ZMYM5: variants seen among roughly 807,000 people sequenced by gnomAD.
The protein encoded by ZMYM5 is zinc finger MYM-type containing 5.
Under a neutral mutation model 61.8 loss-of-function variants are expected in ZMYM5, and 41 were observed. The observed-to-expected ratio is 0.66, with a 90% CI of 0.52 to 0.86. The LOEUF is 0.86. Ranked by LOEUF, ZMYM5 falls within the 40% of genes least tolerant of loss-of-function variation. The pLI is 0.00. For missense variants in ZMYM5, 706 were observed against 786.7 expected (o/e 0.90, Z 1.23); for synonymous variants, 257 against 276.4 (o/e 0.93, Z 0.70).
intron 2 of ZMYM5, among the ~76,000 whole-genome samples, chr13:19,860,966 CA>C (rs1162805144): frequency 6.9e-6 from 1 of 143,976 alleles, no homozygotes; most frequent in Non-Finnish European, 1.5e-5. Flanking sequence ...GTGTGTGTCT[CA>C]AACCTTATGG....
At chr13:19,860,292 A>ATT (rs1176148584) in intron 2 of ZMYM5, among the ~76,000 whole-genome samples, 5 of 130,086 alleles carry the variant, frequency 3.8e-5, no homozygotes, top group African/African-American at 8.4e-5. Context: ...CACCCGTTTA[A>ATT]TTTTTTTTTT....
rs1327182096 is a variant in ZMYM5, at chr13:19,824,334, G to C, written c.*143C>G. On this transcript the variant is annotated 3_prime_UTR_variant, in exon 8 of 8. Coordinates refer to ENST00000337963, the MANE Select transcript of ZMYM5 (RefSeq NM_001142684.2). ...TGGAAACATTCTTTGCTATTTATTT[G>C]CTATCATACTTATTGCTAAGGAACT... 2.0e-6 allele frequency: 1 copy of C among 512,386 alleles called. No homozygotes were observed. The highest frequency in any genetic ancestry group is 2.1e-5 in the African/African-American group (1 of 48,090). The allele number at this position is 512,386 out of a possible 1,614,324, so 31.7% of individuals were successfully genotyped here. A position where few individuals can be genotyped will look rare whatever the true frequency, so the allele number is the denominator to read the frequency against.
chr13:19,842,255 G>C (rs1952905789), intron 4 of ZMYM5, among the ~76,000 whole-genome samples: 1 of 152,084 alleles, frequency 6.6e-6, no homozygotes, highest in South Asian at 2.1e-4. Flanking sequence ...TCCCGCAGGG[G>C]GCTGTCAAGA....
chr13:19,854,300 G>A (rs1351783870), intron 2 of ZMYM5, among the ~76,000 whole-genome samples: 2 of 152,088 alleles, frequency 1.3e-5, no homozygotes, highest in East Asian at 1.9e-4. Context: ...AAGCCACTGC[G>A]CCCGGCCAAA....
At chr13:19,838,006 G>C (rs1395153143) in intron 5 of ZMYM5, among the ~76,000 whole-genome samples, 185 bp from the exon 6 acceptor site, 1 of 152,158 alleles carries the variant, frequency 6.6e-6, no homozygotes, top group Non-Finnish European at 1.5e-5. Context: ...TACAGAAAGA[G>C]AAGAGTCAGA....
At chr13:19,850,311 A>G (rs1192446037) in intron 4 of ZMYM5, among the ~76,000 whole-genome samples, 1 of 152,192 alleles carries the variant, frequency 6.6e-6, no homozygotes, top group African/African-American at 2.4e-5. Flanking sequence ...TTTAAAAACT[A>G]AAATCAGGCC....
At position 19,824,908 on chromosome 13, in the gene ZMYM5, G is replaced by A. The variant is rs538185164; in HGVS notation, c.1579C>T (p.Arg527Ter). 1.3e-5 allele frequency: 17 copies of A among 1,359,622 alleles called. No individual in the cohort carries two copies. The highest frequency in any genetic ancestry group is 8.1e-5 in the South Asian group (7 of 86,798). 84.2% of individuals were successfully genotyped at this position (1,359,622 alleles called of 1,614,324 possible). Residue 527 changes from arginine (R) to a stop codon, truncating the protein, a stop_gained, in exon 8 of 8, where the codon CGA becomes TGA. Transcript: ENST00000337963. LOFTEE classifies it high-confidence loss of function. The stretch of plus-strand genomic sequence containing the variant: ...TCCCGTTGTTTAATATTCAAAATTC[G>A]GGGCCACGTACCTGGATCTGCGGAA... The part of the protein sequence containing the change: ...VLSADPGTWP[R>*]ILNIKQRDTL...
intron 7 of ZMYM5, among the ~76,000 whole-genome samples, chr13:19,832,278 G>A (rs1593851775): frequency 6.6e-6 from 1 of 152,064 alleles, no homozygotes; most frequent in Middle Eastern, 3.4e-3. Context: ...AAGCTTATGA[G>A]CTCACAACCT....
At chr13:19,830,510 G>C (rs1321171436) in intron 7 of ZMYM5, among the ~76,000 whole-genome samples, 2 of 152,044 alleles carry the variant, frequency 1.3e-5, no homozygotes, top group Non-Finnish European at 2.9e-5. Context: ...AAGTACCTGG[G>C]ACTACTGGTA....
At chr13:19,834,631 C>T (rs1221380848) in intron 7 of ZMYM5, among the ~76,000 whole-genome samples, 2 of 152,098 alleles carry the variant, frequency 1.3e-5, no homozygotes, top group Non-Finnish European at 2.9e-5. Flanking sequence ...TTATCAAGTG[C>T]TTAGTGGGAG....
chr13:19,831,715 G>A (rs191009194), intron 7 of ZMYM5, among the ~76,000 whole-genome samples: 2 of 128,420 alleles, frequency 1.6e-5, no homozygotes, highest in Admixed American at 9.9e-5. Flanking sequence ...CAGGAGAATC[G>A]CTTGAAGCGG....
At chr13:19,841,843 G>T (rs1259567619) in intron 4 of ZMYM5, 2 of 151,736 alleles carry the variant, frequency 1.3e-5, no homozygotes, top group South Asian at 4.2e-4. Context: ...TTGAGACAGA[G>T]TCTTGCTCTG....
At chr13:19,841,633 A>T (rs1034171901) in intron 4 of ZMYM5, among the ~76,000 whole-genome samples, 2 of 152,134 alleles carry the variant, frequency 1.3e-5, no homozygotes, top group African/African-American at 2.4e-5. Context: ...AATGTTTATA[A>T]TGCAACAAAA....
intron 4 of ZMYM5, among the ~76,000 whole-genome samples, chr13:19,847,978 A>G (rs1953144741): frequency 6.9e-6 from 1 of 145,476 alleles, no homozygotes; most frequent in Non-Finnish European, 1.5e-5. Flanking sequence ...TTAAGATTTT[A>G]TCTTATTTTT....
At chr13:19,835,387 A>T in intron 7 of ZMYM5, 90 bp downstream of exon 7, 1 of 895,774 alleles carries the variant, frequency 1.1e-6, no homozygotes, top group South Asian at 1.6e-5. Context: ...ATGGAATTAA[A>T]TGAGATTCTA....
intron 4 of ZMYM5, among the ~76,000 whole-genome samples, chr13:19,844,124 T>G (rs1420972419): frequency 8.1e-5 from 10 of 122,796 alleles, no homozygotes; most frequent in South Asian, 2.5e-4. Flanking sequence ...GGTGACAGAG[T>G]GAGACTCCGT....
Position 19,837,643 on chromosome 13 carries a change from T to C in ZMYM5, c.1038+13A>G. Reference sequence around the variant, plus strand: ...GTTAGCCTAAACAACAACTTAGGTATAAAAATCCAGACCTCTGCTAATTTA... The same window carrying C: ...GTTAGCCTAAACAACAACTTAGGTACAAAAATCCAGACCTCTGCTAATTTA... On this transcript the variant is annotated intron_variant, in intron 6 of 7. Transcript: ENST00000337963. 3.1e-6 allele frequency: 5 copies of C among 1,596,466 alleles called. No homozygotes were observed. The highest frequency in any genetic ancestry group is 4.3e-6 in the Non-Finnish European group (5 of 1,176,224).
intron 7 of ZMYM5, among the ~76,000 whole-genome samples, chr13:19,827,870 T>C (rs908417843): frequency 1.3e-5 from 2 of 151,290 alleles, no homozygotes; most frequent in African/African-American, 2.4e-5. Flanking sequence ...ATACAGAAAG[T>C]TAGCCAGGCG....
chr13:19,836,631 T>C (rs1252738809), intron 6 of ZMYM5, among the ~76,000 whole-genome samples: 1 of 152,092 alleles, frequency 6.6e-6, no homozygotes, highest in Non-Finnish European at 1.5e-5. Flanking sequence ...TTAGATGGTA[T>C]TGTAAGTAAA....
Sources: gnomAD v4.1 joint callset for allele counts (sites outside exome capture counted in the v4.1 genomes callset) on GRCh38, gnomAD v4.1.1 for gene constraint, MANE v1.5 for transcripts, NCBI Gene and HGNC (gene_info 2026-07-23, HGNC 2026-07-21) for gene names.